PDE1C: variants seen among roughly 807,000 people sequenced by gnomAD.
PDE1C encodes phosphodiesterase 1C, also known as dual specificity calcium/calmodulin-dependent 3',5'-cyclic nucleotide phosphodiesterase 1C.
A neutral mutation model predicts 93.1 loss-of-function variants in PDE1C; 62 were observed. That is an observed-to-expected ratio of 0.67 (90% CI 0.54 to 0.82). PDE1C has a LOEUF of 0.82. Ranked by LOEUF, PDE1C falls within the 40% of genes least tolerant of loss-of-function variation. The pLI is 0.00. For synonymous variants in PDE1C, 325 were observed against 310.1 expected, an observed-to-expected ratio of 1.05 and a Z score of -0.50; for missense variants, 742 against 884.6, an observed-to-expected ratio of 0.84 and a Z score of 2.04.
At chr7:31,617,834 G>A in the PDE1C span, among the ~76,000 whole-genome samples, 1 of 152,128 alleles carries the variant, frequency 6.6e-6, no homozygotes, top group Non-Finnish European at 1.5e-5. Context: ...TTAAGTTTCA[G>A]AAGAAAACAT....
intron 1 of PDE1C, among the ~76,000 whole-genome samples, chr7:32,296,221 T>C (rs1812603127): frequency 6.6e-6 from 1 of 152,230 alleles, no homozygotes; most frequent in South Asian, 2.1e-4. Context: ...TGGCCTAAAA[T>C]TTCTTAAATG....
intron 3 of PDE1C, among the ~76,000 whole-genome samples, chr7:32,113,236 AAT>A (rs35138046): frequency 0.11 from 10,037 of 93,928 alleles, 1,019 homozygotes; most frequent in African/African-American, 0.24. Flanking sequence ...ATTGTCCTTA[AAT>A]ATATATATAT....
At chr7:32,300,151 G>A (rs1393104411), upstream of PDE1C, among the ~76,000 whole-genome samples, 1 of 152,026 alleles carries the variant, frequency 6.6e-6, no homozygotes, top group East Asian at 1.9e-4. Flanking sequence ...ACTTCAGGGG[G>A]CCCATTAAAA....
downstream of PDE1C, among the ~76,000 whole-genome samples, chr7:31,751,005 T>C (rs898158059): frequency 1.3e-5 from 2 of 152,146 alleles, no homozygotes; most frequent in Non-Finnish European, 1.5e-5. Flanking sequence ...ACTGGGTGTA[T>C]AGGGAGAAAA....
chr7:32,076,428 G>C (rs1796358396), upstream of PDE1C, among the ~76,000 whole-genome samples: 1 of 151,998 alleles, frequency 6.6e-6, no homozygotes, highest in Admixed American at 6.6e-5. Flanking sequence ...ATCACCTGAG[G>C]TCAGGAGTTC....
chr7:31,931,878 A>G (rs1413560069), intron 2 of PDE1C, among the ~76,000 whole-genome samples: 2 of 151,782 alleles, frequency 1.3e-5, no homozygotes, highest in Non-Finnish European at 2.9e-5. Flanking sequence ...TACATAGACC[A>G]ATGGAACAGA....
intron 15 of PDE1C, among the ~76,000 whole-genome samples, chr7:31,814,625 C>G (rs527997273): frequency 5.3e-5 from 8 of 151,034 alleles, no homozygotes; most frequent in Non-Finnish European, 8.8e-5. Flanking sequence ...ATAGCTAGAA[C>G]ACGGTTCTGA....
chr7:31,925,198 T>C (rs1270737664), intron 2 of PDE1C, among the ~76,000 whole-genome samples: 1 of 152,070 alleles, frequency 6.6e-6, no homozygotes, highest in African/African-American at 2.4e-5. Flanking sequence ...TTAAGTGGAC[T>C]CCAAAGGATA....
intron 10 of PDE1C, among the ~76,000 whole-genome samples, chr7:31,837,626 G>C (rs1171516369): frequency 6.6e-6 from 1 of 152,158 alleles, no homozygotes; most frequent in Non-Finnish European, 1.5e-5. Flanking sequence ...TTCCCACAGG[G>C]AATTATTTTT....
At chr7:32,001,846 G>A (rs1311594349) in intron 2 of PDE1C, among the ~76,000 whole-genome samples, 2 of 152,156 alleles carry the variant, frequency 1.3e-5, no homozygotes, top group Non-Finnish European at 2.9e-5. Context: ...GATTGCTTGA[G>A]GTCAGGAGTT....
chr7:32,272,088 A>G (rs1811008254), intron 1 of PDE1C, among the ~76,000 whole-genome samples: 8 of 152,224 alleles, frequency 5.3e-5, no homozygotes, highest in Admixed American at 5.2e-4. Flanking sequence ...GGGTCGGTAG[A>G]TTGGACAGTG....
At chr7:32,419,667 C>T (rs1785349390) in intron 1 of PDE1C, among the ~76,000 whole-genome samples, 1 of 152,122 alleles carries the variant, frequency 6.6e-6, no homozygotes. Context: ...TGGGAAATGA[C>T]AATATTTTGC....
At chr7:32,074,219 A>AT (rs1796225457), upstream of PDE1C, among the ~76,000 whole-genome samples, 3 of 149,966 alleles carry the variant, frequency 2.0e-5, no homozygotes, top group African/African-American at 5.0e-5. Context: ...TGTTAATCTG[A>AT]TAAAAAAAAA....
chr7:31,961,763 T>C (rs542053482), intron 2 of PDE1C, among the ~76,000 whole-genome samples: 1 of 152,276 alleles, frequency 6.6e-6, no homozygotes, highest in South Asian at 2.1e-4. Context: ...CATACATACA[T>C]AAATATATAA....
At chr7:32,331,621 G>C (rs906148526) in intron 1 of PDE1C, among the ~76,000 whole-genome samples, 1 of 152,152 alleles carries the variant, frequency 6.6e-6, no homozygotes, top group African/African-American at 2.4e-5. Flanking sequence ...TTGGCCCATG[G>C]AATAGATGAT....
chr7:32,230,886 C>T (rs1337146899), intron 1 of PDE1C, among the ~76,000 whole-genome samples: 1 of 151,528 alleles, frequency 6.6e-6, no homozygotes, highest in Non-Finnish European at 1.5e-5. Context: ...TAGTCACCAA[C>T]AGATCTCTGT....
At chr7:32,216,298 T>A (rs760206512) in intron 1 of PDE1C, among the ~76,000 whole-genome samples, 1 of 152,042 alleles carries the variant, frequency 6.6e-6, no homozygotes, top group Non-Finnish European at 1.5e-5. Flanking sequence ...CTAGTCCCCA[T>A]CCCCCTATCC....
intron 2 of PDE1C, among the ~76,000 whole-genome samples, chr7:31,983,536 T>C (rs1451237906): frequency 1.3e-5 from 2 of 152,174 alleles, no homozygotes; most frequent in Admixed American, 6.5e-5. Flanking sequence ...GTGAAACAAA[T>C]GTTCCTGCAA....
intron 16 of PDE1C, chr7:31,789,914 T>C (rs1250358876): frequency 2.7e-6 from 3 of 1,128,114 alleles, no homozygotes; most frequent in Non-Finnish European, 3.3e-6. Context: ...GCCAGACAGA[T>C]GCCTTGAAAG....
Sources: gnomAD v4.1 joint callset for allele counts (sites outside exome capture counted in the v4.1 genomes callset) on GRCh38, gnomAD v4.1.1 for gene constraint, MANE v1.5 for transcripts, NCBI Gene and HGNC (gene_info 2026-07-23, HGNC 2026-07-21) for gene names.